The following ROBO2 variants were observed in gnomAD, a reference collection of about 807,000 sequenced individuals.
The protein encoded by ROBO2 is roundabout homolog 2.
A neutral mutation model predicts 160.8 loss-of-function variants in ROBO2; 53 were observed. That is an observed-to-expected ratio of 0.33 (90% CI 0.26 to 0.41). The LOEUF (loss-of-function observed/expected upper bound fraction) is 0.41, where lower values mean the gene tolerates loss of function less well. Among genes scored for constraint, ROBO2 ranks in the 10% least tolerant of loss-of-function variants. The pLI is 1.00. For synonymous variants in ROBO2, 664 were observed against 611.7 expected, an observed-to-expected ratio of 1.09 and a Z score of -1.26; for missense variants, 1,577 against 1,722.4, an observed-to-expected ratio of 0.92 and a Z score of 1.49.
intron 2 of ROBO2, among the ~76,000 whole-genome samples, chr3:77,147,604 C>T (rs966430478): frequency 3.3e-5 from 5 of 151,906 alleles, no homozygotes; most frequent in Non-Finnish European, 7.4e-5. Flanking sequence ...TAAAGCACAC[C>T]GTTGTATGTT....
At chr3:76,326,889 G>A (rs960794071) in intron 2 of ROBO2, among the ~76,000 whole-genome samples, 2 of 150,636 alleles carry the variant, frequency 1.3e-5, no homozygotes, top group African/African-American at 2.4e-5. Flanking sequence ...TTGTTCTTGC[G>A]ATAGTTTACT....
At chr3:76,118,451 G>A (rs2070572253) in intron 2 of ROBO2, among the ~76,000 whole-genome samples, 1 of 152,098 alleles carries the variant, frequency 6.6e-6, no homozygotes, top group Admixed American at 6.6e-5. Context: ...AAAGTCATAA[G>A]GTCATGTACT....
At chr3:77,452,579 G>T (rs551436101) in intron 2 of ROBO2, among the ~76,000 whole-genome samples, 46 of 152,022 alleles carry the variant, frequency 3.0e-4, no homozygotes, top group African/African-American at 1.1e-3. Flanking sequence ...ATAATAATAC[G>T]TAATTTTGCG....
intron 2 of ROBO2, among the ~76,000 whole-genome samples, chr3:76,414,289 A>G (rs1014293629): frequency 6.6e-5 from 10 of 152,120 alleles, no homozygotes; most frequent in African/African-American, 2.4e-4. Flanking sequence ...TTTTATTCCT[A>G]GCTTTCAAAG....
chr3:77,045,391 AT>A (rs1158043163), intron 1 of ROBO2, among the ~76,000 whole-genome samples: 1 of 152,170 alleles, frequency 6.6e-6, no homozygotes, highest in Non-Finnish European at 1.5e-5. Flanking sequence ...TGGATTGATA[AT>A]TCTAAAATTG....
chr3:77,226,286 T>C (rs1313931053), intron 2 of ROBO2, among the ~76,000 whole-genome samples: 2 of 151,936 alleles, frequency 1.3e-5, no homozygotes, highest in African/African-American at 4.8e-5. Context: ...TGTACGTGAA[T>C]ATTTATGTCC....
At chr3:77,021,806 C>T (rs1399742109) in intron 2 of ROBO2, among the ~76,000 whole-genome samples, 2 of 152,068 alleles carry the variant, frequency 1.3e-5, no homozygotes, top group Non-Finnish European at 2.9e-5. Context: ...GAATTTAGCC[C>T]CCTTCCTCCC....
chr3:76,048,743 A>AG (rs1201985962), intron 2 of ROBO2, among the ~76,000 whole-genome samples: 1 of 151,986 alleles, frequency 6.6e-6, no homozygotes, highest in Non-Finnish European at 1.5e-5. Flanking sequence ...AGGGCACACA[A>AG]GAGCATCCAT....
chr3:76,559,182 C>T (rs1448840782), intron 2 of ROBO2, among the ~76,000 whole-genome samples: 2 of 152,042 alleles, frequency 1.3e-5, no homozygotes, highest in Non-Finnish European at 2.9e-5. Flanking sequence ...CAGTTTTGCT[C>T]CCTGGTGTGT....
intron 2 of ROBO2, among the ~76,000 whole-genome samples, chr3:77,260,110 A>G (rs1198502456): frequency 6.6e-6 from 1 of 152,124 alleles, no homozygotes; most frequent in African/African-American, 2.4e-5. Flanking sequence ...ACAATGTCTG[A>G]TGAAAGTAAT....
chr3:75,968,818 A>G lies in ROBO2; in HGVS notation c.109+31216A>G, dbSNP rs1242395021. On this transcript the variant is annotated intron_variant, in intron 2 of 26. Transcript: ENST00000487694. ...GTTTTAGATAGTACATAGATAGCACATAGAATAGCCACCATTCTACTGTTT... is the reference window on the plus strand; with the variant it reads ...GTTTTAGATAGTACATAGATAGCACGTAGAATAGCCACCATTCTACTGTTT... 1.5e-5 allele frequency among the ~76,000 whole-genome samples: 2 copies of G among 132,094 alleles called. 1 individual carries two copies. Among genetic ancestry groups the G allele is most frequent in the Non-Finnish European group, 3.4e-5 (2 of 58,984 alleles). The allele number at this position is 132,094 out of a possible 152,430, so 86.7% of individuals were successfully genotyped here. A position where few individuals can be genotyped will look rare whatever the true frequency, so the allele number is the denominator to read the frequency against.
intron 2 of ROBO2, among the ~76,000 whole-genome samples, chr3:76,956,286 G>A (rs1034633599): frequency 8.5e-5 from 13 of 152,092 alleles, no homozygotes; most frequent in Non-Finnish European, 1.6e-4. Context: ...GGCCAGGCAC[G>A]GTGGCTCACG....
chr3:76,550,250 T>C (rs1560132232), intron 2 of ROBO2, among the ~76,000 whole-genome samples: 1 of 152,196 alleles, frequency 6.6e-6, no homozygotes, highest in Non-Finnish European at 1.5e-5. Flanking sequence ...TTAATATACA[T>C]AATTTAAGAA....
At chr3:76,029,044 T>C (rs766585357) in intron 2 of ROBO2, among the ~76,000 whole-genome samples, 1 of 152,006 alleles carries the variant, frequency 6.6e-6, no homozygotes, top group Non-Finnish European at 1.5e-5. Flanking sequence ...GTGTATACAG[T>C]TCTGGAACAA....
chr3:76,890,104 C>G (rs1559658329), intron 2 of ROBO2, among the ~76,000 whole-genome samples: 1 of 152,164 alleles, frequency 6.6e-6, no homozygotes, highest in Non-Finnish European at 1.5e-5. Context: ...CTATCATCAT[C>G]TGTTTGACAT....
Position 75,914,029 on chromosome 3 carries a change from T to C in ROBO2, c.-14+7069T>C, listed in dbSNP as rs543336791. Reference sequence around the variant, plus strand: ...TAGATTCGTTTTCCCCTTTATTCCATTGTTGCCAGAGAGAACTTGAAATGC... The same window carrying C: ...TAGATTCGTTTTCCCCTTTATTCCACTGTTGCCAGAGAGAACTTGAAATGC... On this transcript the variant is annotated intron_variant, in intron 1 of 26. Coordinates refer to the ROBO2 transcript ENST00000487694. 3.0e-4 allele frequency among the ~76,000 whole-genome samples: 45 copies of C among 152,296 alleles called. No individual in the cohort carries two copies. In the South Asian group the frequency reaches 9.1e-3, roughly 31 times the overall value.
At chr3:77,098,337 G>A in exon 2 of ROBO2, 1 of 1,614,102 alleles carries the variant, frequency 6.2e-7, no homozygotes, top group Non-Finnish European at 8.5e-7. Flanking sequence ...TCTGGAAGTG[G>A]CATGTAAGTG....
intron 2 of ROBO2, among the ~76,000 whole-genome samples, chr3:76,083,586 C>G (rs2068909383): frequency 6.6e-6 from 1 of 152,052 alleles, no homozygotes; most frequent in Non-Finnish European, 1.5e-5. Context: ...TTTTAGATTT[C>G]AAAAATATGT....
At chr3:76,957,544 A>T (rs1017679351) in intron 2 of ROBO2, among the ~76,000 whole-genome samples, 7 of 152,166 alleles carry the variant, frequency 4.6e-5, no homozygotes, top group African/African-American at 1.7e-4. Flanking sequence ...CAAAAGTAAT[A>T]CAATTAGGCC....
Sources: gnomAD v4.1 joint callset for allele counts (sites outside exome capture counted in the v4.1 genomes callset) on GRCh38, gnomAD v4.1.1 for gene constraint, MANE v1.5 for transcripts, NCBI Gene and HGNC (gene_info 2026-07-23, HGNC 2026-07-21) for gene names.